The following CSF1R variants were observed in gnomAD, a reference collection of about 807,000 sequenced individuals.
The protein encoded by CSF1R is macrophage colony-stimulating factor 1 receptor.
Under a neutral mutation model 110.0 loss-of-function variants are expected in CSF1R, and 40 were observed. That is an observed-to-expected ratio of 0.36 (90% CI 0.28 to 0.47). The LOEUF is 0.47. Ranked by LOEUF, CSF1R falls within the 20% of genes least tolerant of loss-of-function variation. The pLI, the probability that CSF1R is intolerant of heterozygous loss-of-function variation, is 0.99. For synonymous variants in CSF1R, 523 were observed against 503.4 expected, an observed-to-expected ratio of 1.04 and a Z score of -0.52; for missense variants, 1,052 against 1,253.0, an observed-to-expected ratio of 0.84 and a Z score of 2.42.
chr5:150,106,114 G>A (rs534706591), intron 1 of CSF1R, among the ~76,000 whole-genome samples: 19 of 152,318 alleles, frequency 1.2e-4, no homozygotes, highest in African/African-American at 3.6e-4. Context: ...TGTGCTGACC[G>A]CTAGTGGACA....
upstream of CSF1R, among the ~76,000 whole-genome samples, chr5:150,087,901 A>C (rs142122754): frequency 1.3e-5 from 2 of 151,858 alleles, no homozygotes; most frequent in African/African-American, 4.8e-5. Context: ...ATTCCTAGCA[A>C]ATTTCTGTAT....
chr5:150,086,715 T>C, upstream of CSF1R: 2 of 396,562 alleles, frequency 5.0e-6, no homozygotes, highest in Admixed American at 7.2e-5. Context: ...CAGCCTGAGC[T>C]TGGGGGGAGC....
intron 5 of CSF1R, among the ~76,000 whole-genome samples, chr5:150,073,720 C>T (rs1248801434): frequency 6.6e-6 from 1 of 152,156 alleles, no homozygotes; most frequent in East Asian, 1.9e-4. Flanking sequence ...TGGGCAAATC[C>T]CTATCCCCAT....
intron 6 of CSF1R, among the ~76,000 whole-genome samples, chr5:150,071,545 C>G (rs1291368430): frequency 6.6e-6 from 1 of 152,202 alleles, no homozygotes; most frequent in African/African-American, 2.4e-5. Context: ...CTTGAGATAA[C>G]TAACCCCTTT....
chr5:150,094,532 A>G, intron 1 of CSF1R: 2 of 1,599,504 alleles, frequency 1.3e-6, no homozygotes, highest in Non-Finnish European at 1.7e-6. Flanking sequence ...TGGCAAGAAA[A>G]GCTGGCAACT....
At position 150,056,911 on chromosome 5, in the gene CSF1R, G is replaced by A. The variant is rs918655787; in HGVS notation, c.2319+376C>T. On this transcript the variant is annotated intron_variant, in intron 16 of 20. Transcript: ENST00000675795. Reference sequence around the variant, plus strand: ...ATTCCCTGGCACTTCTTCCTAGGCCGAGCGCACTTTATACGTTATCTAATA... The same window carrying A: ...ATTCCCTGGCACTTCTTCCTAGGCCAAGCGCACTTTATACGTTATCTAATA... Among the ~76,000 whole-genome samples the A allele has an allele frequency of 2.6e-5, 4 of 152,148 alleles. No individual in the cohort carries two copies. The East Asian group carries it at 5.8e-4, about 22-fold the overall frequency.
At chr5:150,069,798 G>T in intron 9 of CSF1R, 75 bp downstream of exon 9, 2 of 1,271,920 alleles carry the variant, frequency 1.6e-6, no homozygotes, top group Non-Finnish European at 2.1e-6. Context: ...GTGGGGGGTG[G>T]GGGAGGAGCC....
chr5:150,109,952 A>G (rs1759668466), intron 1 of CSF1R, among the ~76,000 whole-genome samples: 1 of 152,208 alleles, frequency 6.6e-6, no homozygotes, highest in South Asian at 2.1e-4. Context: ...CAGTATGTCA[A>G]TATGTTCAGC....
At chr5:150,098,308 G>A (rs1759288808) in intron 1 of CSF1R, 1 of 151,984 alleles carries the variant, frequency 6.6e-6, no homozygotes, top group Admixed American at 6.6e-5. Context: ...ACTATTACAA[G>A]AAATAGAGAA....
At chr5:150,081,049 C>G in intron 1 of CSF1R, 25 bp from the exon 2 acceptor site, 1 of 1,612,922 alleles carries the variant, frequency 6.2e-7, no homozygotes, top group Non-Finnish European at 8.5e-7. Context: ...GGACAGCAGA[C>G]AGAAGTGAGG....
intron 19 of CSF1R, 31 bp from the exon 20 acceptor site, chr5:150,054,461 C>A (rs2113774264): frequency 6.3e-7 from 1 of 1,582,848 alleles, no homozygotes; most frequent in Non-Finnish European, 8.6e-7. Flanking sequence ...TGCCCATGGG[C>A]AGCTCCCTAG....
At chr5:150,106,446 C>T (rs1759557880) in intron 1 of CSF1R, among the ~76,000 whole-genome samples, 1 of 152,112 alleles carries the variant, frequency 6.6e-6, no homozygotes, top group African/African-American at 2.4e-5. Flanking sequence ...GCAGCCCATG[C>T]CCTGGGACCC....
chr5:150,056,484 T>A (rs1757223622), intron 16 of CSF1R, 143 bp from the exon 17 acceptor site: 9 of 963,722 alleles, frequency 9.3e-6, no homozygotes, highest in Middle Eastern at 3.3e-4. Flanking sequence ...CAAACCCTTG[T>A]CTATACCTTC....
At chr5:150,056,486 T>A in intron 16 of CSF1R, 145 bp from the exon 17 acceptor site, 1 of 961,376 alleles carries the variant, frequency 1.0e-6, no homozygotes, top group Non-Finnish European at 1.6e-6. Context: ...AACCCTTGTC[T>A]ATACCTTCTA....
intron 10 of CSF1R, among the ~76,000 whole-genome samples, chr5:150,065,647 C>T (rs574638368): frequency 1.1e-4 from 16 of 152,312 alleles, no homozygotes; most frequent in Admixed American, 2.6e-4. Flanking sequence ...GCACTTAGCA[C>T]GGGCATGACC....
rs116729678 is a variant in CSF1R, at chr5:150,099,535, C to T, written c.-180-12928G>A. ...ACTGTGGTATATCCATACAATAGAA[C>T]GCTACTCAGCAATTAAGTGGAACAA... On this transcript the variant is annotated intron_variant, in intron 1 of 21. Transcript: ENST00000286301. Among the ~76,000 whole-genome samples the T allele has an allele frequency of 5.8e-3, 879 of 152,256 alleles. 9 individuals carry two copies. Among genetic ancestry groups the T allele is most frequent in the African/African-American group, 0.018 (763 of 41,542 alleles).
intron 1 of CSF1R, among the ~76,000 whole-genome samples, chr5:150,096,206 A>T (rs1019730211): frequency 6.6e-6 from 1 of 152,198 alleles, no homozygotes; most frequent in Non-Finnish European, 1.5e-5. Context: ...CCTGGCCAAC[A>T]TGGTGAAACC....
At chr5:150,083,349 A>AACACACACACACACACACAC (rs59055324) in intron 1 of CSF1R, among the ~76,000 whole-genome samples, 10 of 106,328 alleles carry the variant, frequency 9.4e-5, no homozygotes, top group African/African-American at 3.3e-4. Context: ...CTTCTCTCCC[A>AACACACACACACACACACAC]ACACACACAC....
chr5:150,099,657 C>T (rs1759337249), intron 1 of CSF1R, among the ~76,000 whole-genome samples: 1 of 141,118 alleles, frequency 7.1e-6, no homozygotes, highest in African/African-American at 2.6e-5. Flanking sequence ...TGATCTTACT[C>T]ATATGACACT....
Sources: allele counts gnomAD v4.1 joint callset (sites outside exome capture counted in the v4.1 genomes callset), GRCh38; gene constraint gnomAD v4.1.1; transcripts MANE v1.5; gene names NCBI Gene and HGNC (gene_info 2026-07-23, HGNC 2026-07-21).